The following FRAS1 variants were observed in gnomAD, a reference collection of about 807,000 sequenced individuals.
The protein encoded by FRAS1 is extracellular matrix organizing protein FRAS1.
In FRAS1, 290 loss-of-function variants were observed where a neutral mutation model predicts 435.2. The observed-to-expected ratio is 0.67, with a 90% CI of 0.61 to 0.73. The LOEUF is 0.73. FRAS1 is among the 30% of genes least tolerant of loss of function. The pLI, the probability that FRAS1 is intolerant of heterozygous loss-of-function variation, is 0.00. For missense variants in FRAS1, 4,860 were observed against 5,001.5 expected (o/e 0.97, Z 0.85); for synonymous variants, 1,800 against 1,851.0 (o/e 0.97, Z 0.71).
chr4:78,446,537 G>A, intron 42 of FRAS1, 190 bp from the exon 43 acceptor site: 1 of 1,364,856 alleles, frequency 7.3e-7, no homozygotes, highest in Non-Finnish European at 9.4e-7. Context: ...TTCTTTTGAA[G>A]GGGGCATTTT....
intron 22 of FRAS1, among the ~76,000 whole-genome samples, chr4:78,369,019 G>A (rs951845338): frequency 6.6e-6 from 1 of 152,198 alleles, no homozygotes; most frequent in Non-Finnish European, 1.5e-5. Context: ...GATTGCAAGG[G>A]GGTCAGAGCG....
chr4:78,212,180 T>C (rs1227127670), intron 2 of FRAS1, among the ~76,000 whole-genome samples: 1 of 152,228 alleles, frequency 6.6e-6, no homozygotes, highest in South Asian at 2.1e-4. Context: ...GTAATACTTA[T>C]AAAAAGTATG....
At chr4:78,254,247 A>T (rs546368852) in intron 5 of FRAS1, among the ~76,000 whole-genome samples, 2 of 152,188 alleles carry the variant, frequency 1.3e-5, no homozygotes, top group African/African-American at 4.8e-5. Context: ...TTGCTGTATT[A>T]GGCACTCTCA....
chr4:78,132,824 T>C (rs1719742308), intron 2 of FRAS1, among the ~76,000 whole-genome samples: 1 of 151,928 alleles, frequency 6.6e-6, no homozygotes, highest in Non-Finnish European at 1.5e-5. Context: ...GGGTTTCTAG[T>C]GTGGTTTGGC....
chr4:78,446,485 A>C, intron 42 of FRAS1: 1 of 1,304,448 alleles, frequency 7.7e-7, no homozygotes. Flanking sequence ...CATTGTACTT[A>C]CGGAAGATAT....
intron 11 of FRAS1, 85 bp from the exon 12 acceptor site, chr4:78,282,735 T>C (rs1009532919): frequency 1.3e-6 from 2 of 1,517,502 alleles, no homozygotes; most frequent in South Asian, 1.2e-5. Flanking sequence ...TTTGTTCTTA[T>C]GGAAATTGTA....
intron 2 of FRAS1, among the ~76,000 whole-genome samples, chr4:78,159,060 G>T (rs1721014860): frequency 6.6e-6 from 1 of 152,216 alleles, no homozygotes; most frequent in South Asian, 2.1e-4. Flanking sequence ...AGGCAGCAGT[G>T]CCATGTGTCA....
intron 2 of FRAS1, among the ~76,000 whole-genome samples, chr4:78,111,776 A>T (rs1229261084): frequency 7.0e-6 from 1 of 143,026 alleles, no homozygotes; most frequent in Non-Finnish European, 1.5e-5. Context: ...AAAAAAAAAG[A>T]TGAGGTTCTG....
At chr4:78,516,619 G>T (rs934993585) in intron 66 of FRAS1, among the ~76,000 whole-genome samples, 2 of 152,196 alleles carry the variant, frequency 1.3e-5, no homozygotes, top group African/African-American at 4.8e-5. Flanking sequence ...ATAAAGAAAA[G>T]AGGTTTAATT....
chr4:78,195,099 C>A (rs1004698810), intron 2 of FRAS1, among the ~76,000 whole-genome samples: 1 of 152,188 alleles, frequency 6.6e-6, no homozygotes, highest in Admixed American at 6.5e-5. Context: ...TATTGGTGAA[C>A]AGCAAATGTT....
intron 2 of FRAS1, among the ~76,000 whole-genome samples, chr4:78,154,119 TGC>T (rs1720784163): frequency 3.3e-5 from 5 of 152,174 alleles, no homozygotes; most frequent in Non-Finnish European, 5.9e-5. Context: ...TTTTTCTTTT[TGC>T]TATTTCATGA....
In FRAS1 at chr4:78,282,963, A is replaced by G. The variant is rs1277038300; in HGVS notation, c.1251A>G (p.Thr417=). 1.3e-6 allele frequency: 2 copies of G among 1,530,766 alleles called. No individual in the cohort carries two copies. The highest frequency in any genetic ancestry group is 8.7e-7 in the Non-Finnish European group (1 of 1,143,082). 94.8% of individuals were successfully genotyped at this position (1,530,766 alleles called of 1,614,324 possible). A position where few individuals can be genotyped will look rare whatever the true frequency, so the allele number is the denominator to read the frequency against. ...EVKGQCCPDC[T]SVHCHPDCLT... ...AGGGACAGTGCTGTCCAGACTGCAC[A>G]TCAGGTGGGTCCATGTCTCCTCTGT... The change falls in exon 12 of 74, where the codon ACA becomes ACG. Residue 417 remains threonine, a synonymous_variant. Coordinates refer to ENST00000512123, the MANE Select transcript of FRAS1 (RefSeq NM_025074.7).
At chr4:78,306,363 G>A (rs1203531865) in intron 14 of FRAS1, among the ~76,000 whole-genome samples, 2 of 147,284 alleles carry the variant, frequency 1.4e-5, no homozygotes, top group East Asian at 4.0e-4. Flanking sequence ...TTCTCGAGGA[G>A]TATCTTTGTG....
intron 1 of FRAS1, among the ~76,000 whole-genome samples, chr4:78,059,965 G>T (rs1739681675): frequency 6.6e-6 from 1 of 152,012 alleles, no homozygotes; most frequent in East Asian, 1.9e-4. Context: ...CTTATTGTTT[G>T]ACTTTACTGT....
intron 29 of FRAS1, 134 bp downstream of exon 29, chr4:78,387,835 A>G (rs2110330948): frequency 1.7e-6 from 1 of 579,724 alleles, no homozygotes; most frequent in South Asian, 3.9e-5. Context: ...TATTATATAG[A>G]GGGCACTATA....
intron 66 of FRAS1, 25 bp from the exon 67 acceptor site, chr4:78,519,306 T>G: frequency 6.7e-7 from 1 of 1,483,346 alleles, no homozygotes; most frequent in Non-Finnish European, 8.9e-7. Flanking sequence ...GAAATAACTC[T>G]GTGTGCATAC....
rs1450166394 is a variant in FRAS1, at chr4:78,347,978, A to G, written c.2422+10161A>G. ...CATAAATTGGATACAAAGCTTCAAG[A>G]TAGGGGAGGAGCCAAGATGGCCGAA... On this transcript the variant is annotated intron_variant, in intron 20 of 73. Coordinates refer to ENST00000512123, the MANE Select transcript of FRAS1 (RefSeq NM_025074.7). Among the ~76,000 whole-genome samples the G allele has an allele frequency of 2.7e-4, 14 of 51,366 alleles. 5 individuals carry two copies. The highest frequency in any genetic ancestry group is 2.7e-4 in the Non-Finnish European group (7 of 26,268). 33.7% of individuals were successfully genotyped at this position (51,366 alleles called of 152,430 possible).
intron 59 of FRAS1, 81 bp from the exon 60 acceptor site, chr4:78,496,723 GA>G (rs1720517940): frequency 7.7e-7 from 1 of 1,294,944 alleles, no homozygotes; most frequent in South Asian, 1.3e-5. Context: ...CAATAAAGAA[GA>G]AAGATAGTTT....
At position 78,309,331 on chromosome 4, in the gene FRAS1, A is replaced by G. The variant is rs1728922880; in HGVS notation, c.1678+1122A>G. ...GCCAAAGAGTTTATGGTAATTTGCT[A>G]CAGCAGCAATAGAAAATGAATACAC... is the stretch of plus-strand genomic sequence containing the variant. On this transcript the variant is annotated intron_variant, in intron 15 of 73. Transcript: ENST00000512123. 2.0e-5 allele frequency among the ~76,000 whole-genome samples: 3 copies of G among 152,234 alleles called. No individual in the cohort carries two copies. In the South Asian group the frequency reaches 6.2e-4, roughly 32 times the overall value.
Sources: allele counts gnomAD v4.1 joint callset (sites outside exome capture counted in the v4.1 genomes callset), GRCh38; gene constraint gnomAD v4.1.1; transcripts MANE v1.5; gene names NCBI Gene and HGNC (gene_info 2026-07-23, HGNC 2026-07-21).